The following GALNT13 variants were observed in gnomAD, a reference collection of about 807,000 sequenced individuals.
GALNT13 encodes the protein polypeptide N-acetylgalactosaminyltransferase 13.
In GALNT13, 28 loss-of-function variants were observed where a neutral mutation model predicts 64.2. The observed-to-expected ratio is 0.44, with a 90% CI of 0.32 to 0.60. The LOEUF (loss-of-function observed/expected upper bound fraction) is 0.60. Ranked by LOEUF, GALNT13 falls within the 20% of genes least tolerant of loss-of-function variation. GALNT13 has a pLI of 0.05. For missense variants in GALNT13, 577 were observed against 669.8 expected, an observed-to-expected ratio of 0.86 and a Z score of 1.53; for synonymous variants, 214 against 224.6, an observed-to-expected ratio of 0.95 and a Z score of 0.42.
At chr2:153,176,763 C>A in the GALNT13 span, among the ~76,000 whole-genome samples, 7 of 108,442 alleles carry the variant, frequency 6.5e-5, no homozygotes, top group South Asian at 2.9e-4. Flanking sequence ...TAGAAGTTGC[C>A]TGAGTTTAAA....
chr2:153,369,519 A>G, the GALNT13 span, among the ~76,000 whole-genome samples: 77 of 152,274 alleles, frequency 5.1e-4, no homozygotes, highest in Non-Finnish European at 4.4e-5. Context: ...TATGTACGGA[A>G]GGCAAGCCCT....
At chr2:153,381,665 AAT>A in the GALNT13 span, among the ~76,000 whole-genome samples, 1 of 152,110 alleles carries the variant, frequency 6.6e-6, no homozygotes, top group African/African-American at 2.4e-5. Context: ...TTGCAGAGAA[AAT>A]ATGTGTCCAA....
chr2:153,382,580 G>A, the GALNT13 span, among the ~76,000 whole-genome samples: 1 of 151,874 alleles, frequency 6.6e-6, no homozygotes, highest in African/African-American at 2.4e-5. Flanking sequence ...TACTATTAAT[G>A]GGCACCTAGA....
rs1282690201 is a variant in GALNT13 at position 153,970,629 on chromosome 2, T to A, written c.142+25990T>A. 3.3e-5 allele frequency among the ~76,000 whole-genome samples: 5 copies of A among 152,180 alleles called. No homozygotes were observed. The South Asian group carries it at 8.3e-4, about 25-fold the overall frequency. ...TTTTTAGACATTTGTGACCAAGGCT[T>A]ACTTGATATATCTTTTTGGATTCTA... On this transcript the variant is annotated intron_variant, in intron 3 of 12. Coordinates refer to ENST00000392825, the MANE Select transcript of GALNT13 (RefSeq NM_052917.4).
the GALNT13 span, among the ~76,000 whole-genome samples, chr2:153,380,035 A>T: frequency 1.3e-5 from 2 of 152,126 alleles, no homozygotes. Flanking sequence ...AGATGAGAAC[A>T]GTGGTAAGTG....
the GALNT13 span, among the ~76,000 whole-genome samples, chr2:153,778,925 G>A: frequency 2.0e-5 from 3 of 152,200 alleles, no homozygotes; most frequent in African/African-American, 7.2e-5. Flanking sequence ...GAAAAGCAGA[G>A]TAATAGGAAA....
chr2:153,587,079 A>G, the GALNT13 span, among the ~76,000 whole-genome samples: 1 of 151,790 alleles, frequency 6.6e-6, no homozygotes, highest in Non-Finnish European at 1.5e-5. Flanking sequence ...TAAAAATACA[A>G]AAAAATTAGC....
the GALNT13 span, among the ~76,000 whole-genome samples, chr2:153,816,786 C>A: frequency 3.9e-5 from 6 of 152,254 alleles, no homozygotes; most frequent in East Asian, 1.2e-3. Context: ...TATGACCTGG[C>A]AAATTCCAAA....
At chr2:153,123,974 C>G in the GALNT13 span, among the ~76,000 whole-genome samples, 1 of 152,120 alleles carries the variant, frequency 6.6e-6, no homozygotes. Context: ...CATATCAATG[C>G]TAAGATGAGG....
At chr2:153,084,439 T>C in the GALNT13 span, among the ~76,000 whole-genome samples, 2 of 152,204 alleles carry the variant, frequency 1.3e-5, no homozygotes, top group African/African-American at 4.8e-5. Context: ...GTTTTCCTTG[T>C]AGAAATCTTT....
At chr2:154,425,465 A>G (rs1057117116) in intron 11 of GALNT13, among the ~76,000 whole-genome samples, 12 of 152,214 alleles carry the variant, frequency 7.9e-5, no homozygotes, top group African/African-American at 2.9e-4. Flanking sequence ...CCAACTAATG[A>G]GACTGGCATA....
At chr2:153,385,033 T>C in the GALNT13 span, among the ~76,000 whole-genome samples, 2 of 151,946 alleles carry the variant, frequency 1.3e-5, no homozygotes, top group Admixed American at 1.3e-4. Flanking sequence ...CTATTTAAAA[T>C]TGACTCTTTG....
At chr2:153,434,181 A>G in the GALNT13 span, among the ~76,000 whole-genome samples, 2 of 152,194 alleles carry the variant, frequency 1.3e-5, no homozygotes, top group Admixed American at 6.5e-5. Flanking sequence ...ATGGCTGCAT[A>G]GTATTCCATG....
chr2:154,233,746 A>G (rs535817528), intron 4 of GALNT13, among the ~76,000 whole-genome samples: 13 of 152,132 alleles, frequency 8.5e-5, no homozygotes, highest in South Asian at 4.1e-4. Context: ...CTCTGACAAG[A>G]TGCAAAATTT....
the GALNT13 span, among the ~76,000 whole-genome samples, chr2:153,428,421 T>C: frequency 6.6e-6 from 1 of 152,110 alleles, no homozygotes; most frequent in South Asian, 2.1e-4. Context: ...TCCCACTCAT[T>C]ACTGCAGGGA....
the GALNT13 span, among the ~76,000 whole-genome samples, chr2:153,437,172 T>TG: frequency 2.0e-5 from 3 of 152,216 alleles, no homozygotes; most frequent in Non-Finnish European, 4.4e-5. Flanking sequence ...CTAGTTTGAT[T>TG]GCACTATGGT....
the GALNT13 span, among the ~76,000 whole-genome samples, chr2:153,745,867 C>T: frequency 6.6e-6 from 1 of 152,098 alleles, no homozygotes; most frequent in Non-Finnish European, 1.5e-5. Flanking sequence ...GGATTACAGG[C>T]TGGAGCCTCC....
the GALNT13 span, among the ~76,000 whole-genome samples, chr2:153,834,838 C>T: frequency 6.6e-6 from 1 of 152,016 alleles, no homozygotes; most frequent in African/African-American, 2.4e-5. Context: ...GGAGCCATGG[C>T]AAGATGAAGC....
At chr2:153,542,107 C>T in the GALNT13 span, among the ~76,000 whole-genome samples, 1 of 152,026 alleles carries the variant, frequency 6.6e-6, no homozygotes, top group Non-Finnish European at 1.5e-5. Context: ...CACCTGATGT[C>T]AGGAGTTCAA....
Sources: gnomAD v4.1 joint callset for allele counts (sites outside exome capture counted in the v4.1 genomes callset) on GRCh38, gnomAD v4.1.1 for gene constraint, MANE v1.5 for transcripts, NCBI Gene and HGNC (gene_info 2026-07-23, HGNC 2026-07-21) for gene names.